Variants in LIN54 observed in about 807,000 individuals in gnomAD.
LIN54 encodes the protein lin-54 DREAM MuvB core complex component.
In LIN54, 9 loss-of-function variants were observed where a neutral mutation model predicts 78.7. That is an observed-to-expected ratio of 0.11 (90% CI 0.07 to 0.20). The LOEUF (loss-of-function observed/expected upper bound fraction) is 0.20, where lower values mean the gene tolerates loss of function less well. Among genes scored for constraint, LIN54 ranks in the 10% least tolerant of loss-of-function variants. LIN54 has a pLI of 1.00. For synonymous variants in LIN54, 269 were observed against 318.4 expected (o/e 0.84, Z 1.65); for missense variants, 573 against 889.9 (o/e 0.64, Z 4.53).
At chr4:82,968,008 T>C (rs4693063) in intron 4 of LIN54, among the ~76,000 whole-genome samples, 65,251 of 151,912 alleles carry the variant, frequency 0.43, 16,882 homozygotes, top group Admixed American at 0.58. Context: ...CACCTGTGAA[T>C]TTTAATAACC....
At chr4:82,988,959 C>G (rs1025221145) in intron 1 of LIN54, among the ~76,000 whole-genome samples, 3 of 152,062 alleles carry the variant, frequency 2.0e-5, no homozygotes, top group African/African-American at 7.2e-5. Flanking sequence ...GAGGCCGAAG[C>G]AGGCAGACCA....
At chr4:82,959,271 G>A (rs1478465630) in intron 4 of LIN54, among the ~76,000 whole-genome samples, 2 of 152,070 alleles carry the variant, frequency 1.3e-5, no homozygotes, top group Admixed American at 1.3e-4. Flanking sequence ...GTTGAGGAGG[G>A]ATACTAGAGG....
intron 1 of LIN54, among the ~76,000 whole-genome samples, chr4:82,992,615 C>T (rs996150345): frequency 2.0e-5 from 3 of 152,202 alleles, no homozygotes; most frequent in South Asian, 4.1e-4. Flanking sequence ...GACACAGTGG[C>T]GTGAACACGA....
intron 3 of LIN54, among the ~76,000 whole-genome samples, chr4:82,977,319 C>A (rs1032397692): frequency 6.6e-6 from 1 of 152,158 alleles, no homozygotes; most frequent in African/African-American, 2.4e-5. Context: ...TTACTTATAG[C>A]CAACTGCAGC....
intron 5 of LIN54, 52 bp from the exon 6 acceptor site, chr4:82,940,014 T>C: frequency 8.1e-7 from 1 of 1,237,894 alleles, no homozygotes. Flanking sequence ...AAAATAGTAT[T>C]TAAAACACTT....
Position 82,927,818 on chromosome 4 carries a change from G to T in LIN54, c.*284C>A. The T allele has an allele frequency of 3.4e-6, 1 of 295,502 alleles. No homozygotes were observed. The highest frequency in any genetic ancestry group is 5.9e-6 in the Non-Finnish European group (1 of 169,296). The allele number at this position is 295,502 out of a possible 1,614,324, so 18.3% of individuals were successfully genotyped here. The stretch of plus-strand genomic sequence containing the variant: ...GAATTTATAAACATTTTTTGTCAAA[G>T]GTATCAGAAAGAGAACATCTAATTC... On this transcript the variant is annotated 3_prime_UTR_variant, in exon 13 of 13. Transcript: ENST00000340417.
intron 1 of LIN54, among the ~76,000 whole-genome samples, chr4:83,001,931 G>A (rs867690388): frequency 0.098 from 380 of 3,868 alleles, 136 homozygotes; most frequent in East Asian, 0.4. Context: ...GGGAGGGAGG[G>A]AAGGAAGGAA....
At chr4:82,961,994 AC>A (rs1213432710) in intron 4 of LIN54, among the ~76,000 whole-genome samples, 1 of 152,106 alleles carries the variant, frequency 6.6e-6, no homozygotes, top group Non-Finnish European at 1.5e-5. Flanking sequence ...TATTCATCCA[AC>A]ATTACACAAA....
intron 4 of LIN54, among the ~76,000 whole-genome samples, chr4:82,962,748 C>CCA (rs1179815612): frequency 1.3e-5 from 2 of 149,060 alleles, no homozygotes; most frequent in Non-Finnish European, 3.0e-5. Flanking sequence ...AGAAAATAAT[C>CCA]AATAAATTTA....
Position 82,924,889 on chromosome 4 carries a change from T to C in LIN54, c.*3213A>G, listed in dbSNP as rs931275260. Reference sequence around the variant, plus strand: ...ACATGATCAAAGTTATGGCCGGAGGTCCTGCTGTGAAGCTTCATTTACATA... The same window carrying C: ...ACATGATCAAAGTTATGGCCGGAGGCCCTGCTGTGAAGCTTCATTTACATA... On this transcript the variant is annotated 3_prime_UTR_variant, in exon 13 of 13. Coordinates refer to ENST00000340417, the MANE Select transcript of LIN54 (RefSeq NM_194282.4). 1.3e-5 allele frequency: 2 copies of C among 152,578 alleles called. No homozygotes were observed. Among genetic ancestry groups the C allele is most frequent in the African/African-American group, 4.8e-5 (2 of 41,446 alleles). The allele number at this position is 152,578 out of a possible 1,614,324, so 9.5% of individuals were successfully genotyped here.
At chr4:82,997,923 G>A (rs1012104939) in intron 1 of LIN54, among the ~76,000 whole-genome samples, 1 of 150,498 alleles carries the variant, frequency 6.6e-6, no homozygotes, top group Non-Finnish European at 1.5e-5. Flanking sequence ...GAACTCAGGA[G>A]GCAGAGGTTG....
chr4:82,977,671 G>A (rs1354468428), intron 3 of LIN54, among the ~76,000 whole-genome samples: 2 of 152,224 alleles, frequency 1.3e-5, no homozygotes, highest in African/African-American at 2.4e-5. Flanking sequence ...TAATATACAT[G>A]CTAGGAATGA....
intron 4 of LIN54, among the ~76,000 whole-genome samples, chr4:82,947,233 A>AT (rs1233101387): frequency 1.8e-4 from 3 of 16,856 alleles, no homozygotes; most frequent in African/African-American, 3.0e-4. Context: ...ATATATATAT[A>AT]TATTTTTTTT....
chr4:82,963,019 G>A (rs1010216663), intron 4 of LIN54, among the ~76,000 whole-genome samples: 5 of 151,394 alleles, frequency 3.3e-5, no homozygotes, highest in Admixed American at 6.6e-5. Context: ...AAAGAAATGA[G>A]CAACAACAAA....
At chr4:83,009,979 TGGC>T (rs1468100865) in intron 1 of LIN54, among the ~76,000 whole-genome samples, 4 of 152,182 alleles carry the variant, frequency 2.6e-5, no homozygotes, top group African/African-American at 9.7e-5. Context: ...ATATGCCAAA[TGGC>T]AGGGGCAAAG....
chr4:82,967,017 C>G (rs1725257126), intron 4 of LIN54, among the ~76,000 whole-genome samples: 2 of 151,900 alleles, frequency 1.3e-5, no homozygotes, highest in African/African-American at 4.8e-5. Context: ...ATCATGAGGT[C>G]AGGAGATCGA....
Position 83,010,591 on chromosome 4 carries a change from C to T in LIN54, c.-140G>A, listed in dbSNP as rs1223171827. ...GGCTTGTTTTGCCCGTGCACGATAG[C>T]TCTGGCCAGCAGCTTCCTTTCCCAG... On this transcript the variant is annotated 5_prime_UTR_variant, in exon 1 of 13. Coordinates refer to ENST00000340417, the MANE Select transcript of LIN54 (RefSeq NM_194282.4). 3 of 1,225,092 alleles carry T rather than the reference C, an allele frequency of 2.4e-6. No individual in the cohort carries two copies. In the East Asian group the frequency reaches 9.7e-5, roughly 39 times the overall value. The allele number at this position is 1,225,092 out of a possible 1,614,324, so 75.9% of individuals were successfully genotyped here.
chr4:83,001,036 T>G (rs1205407923), intron 1 of LIN54, among the ~76,000 whole-genome samples: 1 of 151,646 alleles, frequency 6.6e-6, no homozygotes, highest in Non-Finnish European at 1.5e-5. Context: ...CAGGCTGGTC[T>G]CAAACTCCTA....
chr4:82,947,237 T>TATATTTTTG (rs1560733573), intron 4 of LIN54, among the ~76,000 whole-genome samples: 4 of 22,944 alleles, frequency 1.7e-4, no homozygotes, highest in African/African-American at 5.2e-4. Context: ...ATATATATAT[T>TATATTTTTG]TTTTTTTTTT....
Sources: gnomAD v4.1 joint callset for allele counts (sites outside exome capture counted in the v4.1 genomes callset) on GRCh38, gnomAD v4.1.1 for gene constraint, MANE v1.5 for transcripts, NCBI Gene and HGNC (gene_info 2026-07-23, HGNC 2026-07-21) for gene names.